Variants in PASK observed in about 807,000 individuals in gnomAD.
PASK encodes PAS domain containing serine/threonine kinase, also known as PAS domain-containing serine/threonine-protein kinase.
Under a neutral mutation model 121.0 loss-of-function variants are expected in PASK, and 110 were observed. That is an observed-to-expected ratio of 0.91 (90% CI 0.78 to 1.06). The LOEUF (loss-of-function observed/expected upper bound fraction) is 1.06. PASK is among the 50% of genes least tolerant of loss of function. The pLI, the probability that PASK is intolerant of heterozygous loss-of-function variation, is 0.00. For synonymous variants in PASK, 686 were observed against 717.8 expected, an observed-to-expected ratio of 0.96 and a Z score of 0.71; for missense variants, 1,643 against 1,702.3, an observed-to-expected ratio of 0.97 and a Z score of 0.61.
intron 1 of PASK, chr2:241,145,778 G>A (rs1456861219): frequency 6.6e-6 from 1 of 152,046 alleles, no homozygotes; most frequent in Non-Finnish European, 1.5e-5. Context: ...TGGAGGCAGA[G>A]GCAGGAGAAT....
intron 14 of PASK, chr2:241,114,604 A>G (rs1037353674): frequency 9.4e-7 from 1 of 1,059,170 alleles, no homozygotes; most frequent in Non-Finnish European, 1.1e-6. Context: ...TACTTACTGA[A>G]AAGTGAGAAT....
chr2:241,122,910 G>A lies in PASK; in HGVS notation c.2905-11C>T, dbSNP rs756977147. 5.0e-6 allele frequency: 8 copies of A among 1,613,348 alleles called. No individual in the cohort carries two copies. In the Admixed American group the frequency reaches 5.0e-5, roughly 10 times the overall value. On this transcript the variant is annotated splice_polypyrimidine_tract_variant and intron_variant, in intron 11 of 17. Transcript: ENST00000234040. ...TCTGGCTCTGAGCACCTGCAATGCA[G>A]AAGAAGGTCTGTGGGGTCACATGCA...
chr2:241,149,402 CAG>C lies in PASK; in HGVS notation c.-43+10_-43+11del, dbSNP rs537073660. Reference sequence around the variant, plus strand: ...GGAGCCCGGCCCGCTCTCCCGAGCGCAGGTATCTCACCTGGATCAGGCGAGGG... The same window carrying C: ...GGAGCCCGGCCCGCTCTCCCGAGCGCGTATCTCACCTGGATCAGGCGAGGG... On this transcript the variant is annotated intron_variant, in intron 1 of 17. Coordinates refer to ENST00000234040, the MANE Select transcript of PASK (RefSeq NM_015148.4). The C allele has an allele frequency of 1.5e-3, 690 of 455,492 alleles. 14 individuals are homozygous for C. The Admixed American group carries it at 0.022, about 14-fold the overall frequency. The allele number at this position is 455,492 out of a possible 1,614,324, so 28.2% of individuals were successfully genotyped here.
intron 1 of PASK, among the ~76,000 whole-genome samples, chr2:241,145,586 G>A (rs1192717619): frequency 1.3e-5 from 2 of 151,970 alleles, no homozygotes; most frequent in East Asian, 3.8e-4. Context: ...AGATTAATAA[G>A]TTTAACGTTA....
rs775953047 is a variant in PASK, at chr2:241,138,066, T to C, written c.763A>G (p.Ser255Gly). Residue 255 changes from serine to glycine, a missense_variant, in exon 6 of 18, where the codon AGT (serine) becomes GGT (glycine). Ser to Gly is a moderately conservative substitution (Grantham distance 56). Around this residue, in one of 3 missense-constraint regions of PASK, gnomAD observed 1,176 missense variants for 1,162.2 expected, o/e 1.01. Coordinates refer to ENST00000234040, the MANE Select transcript of PASK (RefSeq NM_015148.4). The stretch of plus-strand genomic sequence containing the variant: ...TACCCGTGAAGATGAGCAAAGAGAC[T>C]GTCACATGACGTGACGGTGCCCTGG... Reference protein sequence around the residue: ...QSDGTVTSCDSLFAHLHGYVS... With the variant: ...QSDGTVTSCDGLFAHLHGYVS... The C allele has an allele frequency of 6.2e-7, 1 of 1,614,174 alleles. No individual in the cohort carries two copies. The highest frequency in any genetic ancestry group is 8.5e-7 in the Non-Finnish European group (1 of 1,179,972).
intron 15 of PASK, among the ~76,000 whole-genome samples, chr2:241,110,535 AGGCAGGGCAGAGCCCT>A (rs894285898): frequency 1.3e-5 from 2 of 152,222 alleles, no homozygotes; most frequent in African/African-American, 4.8e-5. Context: ...AGAGGCCAGG[AGGCAGGGCAGAGCCCT>A]GGCAGGGCAG....
At chr2:241,115,913 G>A (rs866873571) in intron 12 of PASK, among the ~76,000 whole-genome samples, 4 of 102,868 alleles carry the variant, frequency 3.9e-5, no homozygotes, top group Admixed American at 1.1e-4. Flanking sequence ...CAAGCATCCC[G>A]TTACACCAGG....
At chr2:241,122,381 G>A (rs2065651556) in intron 12 of PASK, among the ~76,000 whole-genome samples, 1 of 152,240 alleles carries the variant, frequency 6.6e-6, no homozygotes, top group African/African-American at 2.4e-5. Context: ...GTGCCCGTGA[G>A]ATATGAGCAT....
intron 12 of PASK, among the ~76,000 whole-genome samples, chr2:241,121,237 G>A (rs1324295187): frequency 6.6e-6 from 1 of 152,190 alleles, no homozygotes; most frequent in Non-Finnish European, 1.5e-5. Flanking sequence ...TTCTTTCTGA[G>A]GTCATGAAAT....
Position 241,138,722 on chromosome 2 carries a change from G to A in PASK, c.673C>T (p.Arg225Cys), listed in dbSNP as rs372849391. The change falls in exon 5 of 18, where the codon CGC becomes TGC. Residue 225 changes from arginine to cysteine, a missense_variant. By Grantham distance (180) the Arg-to-Cys change is radical. Coordinates refer to ENST00000234040, the MANE Select transcript of PASK (RefSeq NM_015148.4). ...VWMKRMRQERRLCCVVVLEPV... is the reference protein window; with the variant it reads ...VWMKRMRQERCLCCVVVLEPV... ...TCCAGGACCACCACGCAGCATAGGC[G>A]GCGCTCCTGCCGCATCCTCTTCATC... is the stretch of plus-strand genomic sequence containing the variant. 79 of 1,613,950 alleles carry A rather than the reference G, an allele frequency of 4.9e-5. No individual in the cohort carries two copies. The highest frequency in any genetic ancestry group is 6.7e-5 in the African/African-American group (5 of 74,930).
intron 15 of PASK, chr2:241,109,651 G>A (rs1392174448): frequency 6.5e-6 from 1 of 152,746 alleles, no homozygotes; most frequent in Non-Finnish European, 1.5e-5. Flanking sequence ...GTGGTGGGGT[G>A]GCTAGCACAG....
chr2:241,131,735 G>A (rs1486295365), intron 9 of PASK, among the ~76,000 whole-genome samples: 1 of 152,042 alleles, frequency 6.6e-6, no homozygotes, highest in Non-Finnish European at 1.5e-5. Context: ...CTACAGTTTG[G>A]GCACCTTTAC....
intron 13 of PASK, 36 bp downstream of exon 13, chr2:241,115,252 G>T: frequency 1.2e-6 from 2 of 1,613,960 alleles, no homozygotes; most frequent in Non-Finnish European, 1.7e-6. Flanking sequence ...TTTGACATGA[G>T]CCAAGTTAGG....
rs183687210 is a variant in PASK at position 241,130,428 on chromosome 2, G to A, written c.1463+2446C>T. Reference sequence around the variant, plus strand: ...TGTCCAAGGTCCTGAGGATAGCAACGGGCCACGTGGCCTCTGTCCACCAAG... The same window carrying A: ...TGTCCAAGGTCCTGAGGATAGCAACAGGCCACGTGGCCTCTGTCCACCAAG... On this transcript the variant is annotated intron_variant, in intron 9 of 17. Coordinates refer to ENST00000234040, the MANE Select transcript of PASK (RefSeq NM_015148.4). Among the ~76,000 whole-genome samples, 466 of 152,156 alleles carry A rather than the reference G, an allele frequency of 3.1e-3. 3 individuals are homozygous for A. Among genetic ancestry groups the A allele is most frequent in the East Asian group, 0.016 (82 of 5,180 alleles).
Position 241,140,006 on chromosome 2 carries a change from T to C in PASK, c.479A>G (p.Gln160Arg). The C allele has an allele frequency of 8.1e-6, 13 of 1,614,054 alleles. No individual in the cohort carries two copies. Among genetic ancestry groups the C allele is most frequent in the Non-Finnish European group, 1.1e-5 (13 of 1,179,870 alleles). Residue 160 changes from glutamine to arginine, a missense_variant, in exon 4 of 18, where the codon CAG becomes CGG. Coordinates refer to ENST00000234040, the MANE Select transcript of PASK (RefSeq NM_015148.4). ...KACGLLGYSS[Q>R]DLIGQKLTQF... ...CGTGAGCTTCTGGCCAATCAGGTCC[T>C]GGCTGCTGTACCCCAGGAGCCCGCA...
Position 241,115,281 on chromosome 2 carries a change from C to T in PASK, c.3198+7G>A. The T allele has an allele frequency of 6.2e-7, 1 of 1,614,018 alleles. No individual in the cohort carries two copies. ...AGTTAGGGTATCTCTGAAGAGGAAA[C>T]CATCACCTTGATGATATTGGCGTGC... On this transcript the variant is annotated splice_region_variant and intron_variant, in intron 13 of 17. Coordinates refer to ENST00000234040, the MANE Select transcript of PASK (RefSeq NM_015148.4).
intron 1 of PASK, among the ~76,000 whole-genome samples, chr2:241,144,904 T>C (rs1002114691): frequency 6.6e-6 from 1 of 152,096 alleles, no homozygotes; most frequent in African/African-American, 2.4e-5. Flanking sequence ...TCACAGAGCT[T>C]CTCCCTGTTT....
chr2:241,107,175 GGACA>G (rs1464445844), intron 17 of PASK, among the ~76,000 whole-genome samples, 174 bp downstream of exon 17: 1 of 152,100 alleles, frequency 6.6e-6, no homozygotes, highest in African/African-American at 2.4e-5. Context: ...AGAGGCCTCG[GGACA>G]GAATCAAACC....
chr2:241,140,495 G>A, intron 3 of PASK, 26 bp downstream of exon 3: 1 of 1,464,842 alleles, frequency 6.8e-7, no homozygotes, highest in Non-Finnish European at 9.5e-7. Context: ...CATCTACACA[G>A]CTGGATCTAA....
Sources: gnomAD v4.1 joint callset for allele counts (sites outside exome capture counted in the v4.1 genomes callset) on GRCh38, gnomAD v4.1.1 for gene constraint, gnomAD v4.1.1 regional missense constraint, MANE v1.5 for transcripts, NCBI Gene and HGNC (gene_info 2026-07-23, HGNC 2026-07-21) for gene names.